Variants in PRELID2 observed in about 807,000 individuals in gnomAD.
The protein encoded by PRELID2 is PRELI domain-containing protein 2.
Under a neutral mutation model 28.4 loss-of-function variants are expected in PRELID2, and 25 were observed. The ratio of observed to expected loss-of-function variants is 0.88; its 90% confidence interval spans 0.64 to 1.23. The LOEUF (loss-of-function observed/expected upper bound fraction) is 1.23. PRELID2 is among the 50% of genes most tolerant of loss of function. The pLI is 0.00. For synonymous variants in PRELID2, 76 were observed against 71.6 expected, an observed-to-expected ratio of 1.06 and a Z score of -0.31; for missense variants, 201 against 214.4, an observed-to-expected ratio of 0.94 and a Z score of 0.39.
intron 1 of PRELID2, among the ~76,000 whole-genome samples, chr5:145,630,244 C>T (rs1403436142): frequency 2.0e-5 from 3 of 151,958 alleles, no homozygotes; most frequent in East Asian, 3.9e-4. Flanking sequence ...GTTTCATGAG[C>T]AGTCAGTGGG....
At chr5:145,811,462 A>AT (rs1298106024) in intron 4 of PRELID2, among the ~76,000 whole-genome samples, 46 of 152,062 alleles carry the variant, frequency 3.0e-4, no homozygotes, top group Admixed American at 1.2e-3. Context: ...TAATTATTTT[A>AT]TTATTTGTAG....
intron 1 of PRELID2, among the ~76,000 whole-genome samples, chr5:145,617,121 T>C (rs1753709715): frequency 6.6e-6 from 1 of 152,224 alleles, no homozygotes; most frequent in Non-Finnish European, 1.5e-5. Context: ...TGAACATTGC[T>C]GTTATCCTGT....
At chr5:145,316,123 T>C in the PRELID2 span, among the ~76,000 whole-genome samples, 18 of 152,184 alleles carry the variant, frequency 1.2e-4, no homozygotes, top group African/African-American at 4.3e-4. Context: ...ATTTACACCA[T>C]AGGAGCCAGC....
At chr5:145,743,923 A>G (rs1756914155) in intron 1 of PRELID2, among the ~76,000 whole-genome samples, 1 of 152,210 alleles carries the variant, frequency 6.6e-6, no homozygotes, top group African/African-American at 2.4e-5. Flanking sequence ...TAACACGCTA[A>G]GCTCCCTGGG....
At chr5:145,594,734 A>C (rs1393724555) in intron 1 of PRELID2, among the ~76,000 whole-genome samples, 1 of 152,212 alleles carries the variant, frequency 6.6e-6, no homozygotes, top group East Asian at 1.9e-4. Flanking sequence ...GATTGTCCCT[A>C]GGTGGTCAGA....
chr5:145,636,645 G>A (rs1581017415), intron 1 of PRELID2, among the ~76,000 whole-genome samples: 1 of 152,188 alleles, frequency 6.6e-6, no homozygotes, highest in Non-Finnish European at 1.5e-5. Flanking sequence ...ATGTTGCTAG[G>A]CAGCCATTAA....
At position 145,596,099 on chromosome 5, in the gene PRELID2, CA is replaced by C. The variant is rs552746530; in HGVS notation, n.71-122785del. On this transcript the variant is annotated intron_variant and non_coding_transcript_variant, in intron 1 of 2. Transcript: ENST00000510259. ...TGGGTGACAGAGTGAGAGCCTGTCT[CA>C]AAAAAAAAAAAAAAAAAAAGTCTGT... Among the ~76,000 whole-genome samples the C allele has an allele frequency of 5.1e-3, 223 of 43,968 alleles. 2 individuals are homozygous for C. Among genetic ancestry groups the C allele is most frequent in the East Asian group, 0.03 (47 of 1,578 alleles). 28.8% of individuals were successfully genotyped at this position (43,968 alleles called of 152,430 possible). A position where few individuals can be genotyped will look rare whatever the true frequency, so the allele number is the denominator to read the frequency against.
At chr5:145,625,311 T>C (rs1753831136) in intron 1 of PRELID2, among the ~76,000 whole-genome samples, 1 of 152,046 alleles carries the variant, frequency 6.6e-6, no homozygotes, top group Non-Finnish European at 1.5e-5. Context: ...TACAAACAAC[T>C]CACTGACTAT....
the PRELID2 span, among the ~76,000 whole-genome samples, chr5:145,461,175 C>A: frequency 6.6e-6 from 1 of 152,140 alleles, no homozygotes; most frequent in African/African-American, 2.4e-5. Context: ...TTTACCCTTT[C>A]TTTTATTCCA....
chr5:145,824,749 T>C (rs1282984123), intron 1 of PRELID2, among the ~76,000 whole-genome samples: 2 of 152,116 alleles, frequency 1.3e-5, no homozygotes, highest in Non-Finnish European at 1.5e-5. Flanking sequence ...CAGAAACCAA[T>C]CTATGAAGAG....
At chr5:145,248,864 G>A in the PRELID2 span, among the ~76,000 whole-genome samples, 1 of 152,218 alleles carries the variant, frequency 6.6e-6, no homozygotes, top group East Asian at 1.9e-4. Context: ...TCCCTAGGGA[G>A]CCAAACTCAC....
chr5:145,332,958 A>T, the PRELID2 span, among the ~76,000 whole-genome samples: 1 of 151,850 alleles, frequency 6.6e-6, no homozygotes, highest in Non-Finnish European at 1.5e-5. Context: ...TTTTGTATGG[A>T]CGTCCTTTTT....
intron 1 of PRELID2, among the ~76,000 whole-genome samples, chr5:145,833,749 G>A (rs943836535): frequency 6.6e-6 from 1 of 152,176 alleles, no homozygotes; most frequent in African/African-American, 2.4e-5. Flanking sequence ...CATCTTCCCA[G>A]CATCTCCCTT....
the PRELID2 span, among the ~76,000 whole-genome samples, chr5:145,278,601 A>T: frequency 2.0e-5 from 3 of 152,162 alleles, no homozygotes; most frequent in African/African-American, 7.2e-5. Flanking sequence ...AAACAGGACA[A>T]GTGTTAGAAT....
the PRELID2 span, among the ~76,000 whole-genome samples, chr5:145,383,649 C>G: frequency 6.7e-6 from 1 of 149,896 alleles, no homozygotes; most frequent in Non-Finnish European, 1.5e-5. Context: ...CAACTTTTAG[C>G]TCACACCATG....
chr5:145,300,699 A>ATT, the PRELID2 span, among the ~76,000 whole-genome samples: 6 of 123,972 alleles, frequency 4.8e-5, no homozygotes, highest in African/African-American at 5.5e-5. Context: ...ATTTTTATTT[A>ATT]CTTTTTTTTT....
At chr5:145,833,490 A>C (rs999567507) in intron 1 of PRELID2, among the ~76,000 whole-genome samples, 4 of 152,358 alleles carry the variant, frequency 2.6e-5, no homozygotes, top group African/African-American at 9.6e-5. Context: ...CAAAGTCTAC[A>C]ACAGGTCTGT....
rs1487368318 is a variant in PRELID2, at chr5:145,759,138, T to C, written c.*1398A>G. The C allele has an allele frequency of 2.6e-5, 4 of 151,748 alleles. No homozygotes were observed. The highest frequency in any genetic ancestry group is 5.9e-5 in the Non-Finnish European group (4 of 68,066). 9.4% of individuals were successfully genotyped at this position (151,748 alleles called of 1,614,324 possible). On this transcript the variant is annotated 3_prime_UTR_variant, in exon 7 of 7. Coordinates refer to ENST00000683046, the MANE Select transcript of PRELID2 (RefSeq NM_205846.3). ...GCCTCAGACTCCCAAGTAGCTAGGA[T>C]TACAGGCATGCGCCACCACGCCCAG...
chr5:145,750,958 G>A (rs1157726402), intron 1 of PRELID2, among the ~76,000 whole-genome samples: 1 of 152,156 alleles, frequency 6.6e-6, no homozygotes. Context: ...AAACACTGTA[G>A]ACTGACTGGT....
Sources: allele counts gnomAD v4.1 joint callset (sites outside exome capture counted in the v4.1 genomes callset), GRCh38; gene constraint gnomAD v4.1.1; transcripts MANE v1.5; gene names NCBI Gene and HGNC (gene_info 2026-07-23, HGNC 2026-07-21).